The following TENM2 variants were observed in gnomAD, a reference collection of about 807,000 sequenced individuals.
The protein encoded by TENM2 is teneurin-2.
TENM2 carries 52 observed loss-of-function variants against 245.2 expected under a neutral mutation model. The ratio of observed to expected loss-of-function variants is 0.21; its 90% CI spans 0.17 to 0.27. The LOEUF is 0.27. Ranked by LOEUF, TENM2 falls within the 10% of genes least tolerant of loss-of-function variation. The pLI, the probability that TENM2 is intolerant of heterozygous loss-of-function variation, is 1.00. For missense variants in TENM2, 3,046 were observed against 3,666.8 expected (o/e 0.83, Z 4.37); for synonymous variants, 1,363 against 1,438.9 (o/e 0.95, Z 1.19).
At chr5:167,852,383 A>C (rs1476748319) in intron 2 of TENM2, among the ~76,000 whole-genome samples, 1 of 152,232 alleles carries the variant, frequency 6.6e-6, no homozygotes, top group East Asian at 1.9e-4. Flanking sequence ...TGTTTTTCCC[A>C]AGACAGCAAC....
chr5:168,031,724 C>G (rs1310519905), intron 5 of TENM2, among the ~76,000 whole-genome samples: 4 of 106,870 alleles, frequency 3.7e-5, no homozygotes, highest in East Asian at 2.7e-4. Flanking sequence ...AGGAAGGGAG[C>G]AAGGGAAGGA....
intron 2 of TENM2, among the ~76,000 whole-genome samples, chr5:167,504,926 A>G (rs761918516): frequency 5.3e-5 from 8 of 152,084 alleles, no homozygotes; most frequent in South Asian, 2.1e-4. Flanking sequence ...AAAGGACAGT[A>G]TACTATTTTT....
intron 5 of TENM2, among the ~76,000 whole-genome samples, chr5:168,036,709 A>G (rs13155658): frequency 7.3e-6 from 1 of 137,770 alleles, no homozygotes; most frequent in Admixed American, 7.4e-5. Flanking sequence ...ATGTATGTGT[A>G]TATATATGTA....
rs560300954 is a variant in TENM2 at position 167,988,729 on chromosome 5, T to A, written c.948-4215T>A. Among the ~76,000 whole-genome samples the A allele has an allele frequency of 2.6e-5, 4 of 152,304 alleles. No individual in the cohort carries two copies. The East Asian group carries it at 7.7e-4, about 29-fold the overall frequency. ...AGATCATGCAGAGAGTTGAAGGCCA[T>A]GAGAAAGACACCTGATTTTATTCTC... is the stretch of plus-strand genomic sequence containing the variant. On this transcript the variant is annotated intron_variant, in intron 4 of 28. Coordinates refer to ENST00000518659, the Ensembl canonical transcript of TENM2.
intron 2 of TENM2, among the ~76,000 whole-genome samples, chr5:167,567,477 T>C (rs1382838547): frequency 6.6e-6 from 1 of 152,138 alleles, no homozygotes; most frequent in Non-Finnish European, 1.5e-5. Flanking sequence ...AATGACCTCC[T>C]AGAAGAGACC....
chr5:168,089,542 C>T (rs1792745340), intron 7 of TENM2, among the ~76,000 whole-genome samples: 1 of 152,164 alleles, frequency 6.6e-6, no homozygotes, highest in African/African-American at 2.4e-5. Context: ...TCATTAATCA[C>T]TTCCATTTCT....
intron 2 of TENM2, among the ~76,000 whole-genome samples, chr5:167,780,868 A>C (rs562345088): frequency 6.6e-6 from 1 of 152,352 alleles, no homozygotes; most frequent in East Asian, 1.9e-4. Context: ...ACTGAGACCC[A>C]ACTACACTTA....
intron 2 of TENM2, among the ~76,000 whole-genome samples, chr5:167,682,854 T>C (rs1454390526): frequency 6.6e-6 from 1 of 152,186 alleles, no homozygotes; most frequent in Non-Finnish European, 1.5e-5. Flanking sequence ...CTTGATAAAA[T>C]GTAATCAGAC....
chr5:167,387,652 G>A (rs940812373), intron 2 of TENM2, among the ~76,000 whole-genome samples: 1 of 152,116 alleles, frequency 6.6e-6, no homozygotes, highest in South Asian at 2.1e-4. Flanking sequence ...TTGGCTGGGG[G>A]TTTGTCATAG....
chr5:167,472,106 A>G (rs1767064151), intron 2 of TENM2, among the ~76,000 whole-genome samples: 1 of 152,088 alleles, frequency 6.6e-6, no homozygotes, highest in Non-Finnish European at 1.5e-5. Context: ...GTCTCCCTTT[A>G]ACTTCCAGAA....
chr5:167,147,010 C>T, the TENM2 span, among the ~76,000 whole-genome samples: 2 of 152,212 alleles, frequency 1.3e-5, no homozygotes, highest in African/African-American at 4.8e-5. Flanking sequence ...AATTCTCTGG[C>T]ATACTGATTG....
At chr5:167,192,691 G>C in the TENM2 span, among the ~76,000 whole-genome samples, 1 of 152,032 alleles carries the variant, frequency 6.6e-6, no homozygotes, top group African/African-American at 2.4e-5. Context: ...TCATGAAGAT[G>C]GAACCCAATT....
intron 4 of TENM2, among the ~76,000 whole-genome samples, chr5:167,958,769 G>A (rs947032221): frequency 6.6e-6 from 1 of 152,162 alleles, no homozygotes; most frequent in African/African-American, 2.4e-5. Flanking sequence ...GAAATTCTGG[G>A]TTGAAAATTC....
chr5:167,759,196 A>G (rs1216810104), intron 2 of TENM2, among the ~76,000 whole-genome samples: 2 of 150,932 alleles, frequency 1.3e-5, no homozygotes, highest in African/African-American at 4.9e-5. Context: ...ACACTAGATT[A>G]CTTAACTAGC....
intron 3 of TENM2, among the ~76,000 whole-genome samples, chr5:167,950,240 G>C (rs2151827883): frequency 6.6e-6 from 1 of 152,286 alleles, no homozygotes; most frequent in South Asian, 2.1e-4. Flanking sequence ...TCCCCCTGGG[G>C]ACCAGCCCTG....
At chr5:167,821,794 C>T (rs773142211) in intron 2 of TENM2, among the ~76,000 whole-genome samples, 20 of 151,952 alleles carry the variant, frequency 1.3e-4, no homozygotes, top group Middle Eastern at 3.2e-3. Context: ...GAAAGGAGTA[C>T]GTTCTTGTCT....
chr5:168,254,973 G>A (rs1247295715), intron 27 of TENM2, among the ~76,000 whole-genome samples: 1 of 151,948 alleles, frequency 6.6e-6, no homozygotes, highest in African/African-American at 2.4e-5. Flanking sequence ...CTTGAACCTG[G>A]GAGGCAGAGG....
chr5:167,246,785 T>TGGGAGGAGGAGGTGGAGGGCACTTTTG, the TENM2 span, among the ~76,000 whole-genome samples: 1 of 151,836 alleles, frequency 6.6e-6, no homozygotes, highest in Non-Finnish European at 1.5e-5. Context: ...GGGGTGTGGA[T>TGGGAGGAGGAGGTGGAGGGCACTTTTG]GGGAGGAGGA....
chr5:167,745,480 C>T (rs577992109), intron 2 of TENM2, among the ~76,000 whole-genome samples: 6 of 152,298 alleles, frequency 3.9e-5, no homozygotes, highest in African/African-American at 9.6e-5. Context: ...AAGTTCCCCT[C>T]GGTATTCTCA....
Sources: gnomAD v4.1 joint callset for allele counts (sites outside exome capture counted in the v4.1 genomes callset) on GRCh38, gnomAD v4.1.1 for gene constraint, MANE v1.5 for transcripts, NCBI Gene and HGNC (gene_info 2026-07-23, HGNC 2026-07-21) for gene names.